The following NHSL1 variants were observed in gnomAD, a reference collection of about 807,000 sequenced individuals.
The protein encoded by NHSL1 is NHS like 1, also known as NHS-like protein 1.
In NHSL1, 48 loss-of-function variants were observed where a neutral mutation model predicts 95.0. That is an observed-to-expected ratio of 0.51 (90% CI 0.40 to 0.64). The LOEUF is 0.64. Among genes scored for constraint, NHSL1 ranks in the 30% least tolerant of loss-of-function variants. The probability of loss-of-function intolerance (pLI) is 0.00; values close to 1 mark genes in which losing one functional copy is unlikely to be tolerated. For missense variants in NHSL1, 1,971 were observed against 2,077.7 expected (o/e 0.95, Z 1.00); for synonymous variants, 783 against 833.9 (o/e 0.94, Z 1.05).
intron 1 of NHSL1, among the ~76,000 whole-genome samples, chr6:138,679,469 G>C (rs1785486001): frequency 6.6e-6 from 1 of 152,152 alleles, no homozygotes; most frequent in Admixed American, 6.6e-5. Flanking sequence ...CATAAAATAT[G>C]TTTTTTGTTT....
At chr6:138,603,904 C>T (rs544209238) in intron 1 of NHSL1, among the ~76,000 whole-genome samples, 1 of 152,178 alleles carries the variant, frequency 6.6e-6, no homozygotes, top group African/African-American at 2.4e-5. Context: ...AATTTTAAGT[C>T]TTACCTGGAA....
intron 1 of NHSL1, among the ~76,000 whole-genome samples, chr6:138,687,290 A>G (rs1236013668): frequency 5.3e-5 from 8 of 152,094 alleles, no homozygotes; most frequent in Middle Eastern, 3.4e-3. Context: ...AAAAAAAAAA[A>G]AAGAAGAAGA....
chr6:138,562,623 G>T (rs1049440649), intron 1 of NHSL1, among the ~76,000 whole-genome samples: 1 of 152,136 alleles, frequency 6.6e-6, no homozygotes, highest in African/African-American at 2.4e-5. Flanking sequence ...GATCACACCA[G>T]TCCACTCCAG....
intron 1 of NHSL1, chr6:138,571,634 A>C: frequency 7.3e-7 from 1 of 1,361,928 alleles, no homozygotes; most frequent in Non-Finnish European, 1.0e-6. Context: ...AAAATCATGA[A>C]GGGGGAGTGA....
intron 1 of NHSL1, among the ~76,000 whole-genome samples, chr6:138,614,785 G>A (rs376045745): frequency 1.0e-3 from 158 of 152,236 alleles, no homozygotes; most frequent in African/African-American, 3.1e-3. Flanking sequence ...GATCAGCGGC[G>A]GCATCAGATT....
chr6:138,507,519 A>G (rs984181024), intron 1 of NHSL1, among the ~76,000 whole-genome samples: 1 of 152,234 alleles, frequency 6.6e-6, no homozygotes, highest in African/African-American at 2.4e-5. Context: ...AGATAAGTGG[A>G]AAAAATTGAA....
intron 1 of NHSL1, among the ~76,000 whole-genome samples, chr6:138,648,229 T>C (rs1785045042): frequency 6.6e-6 from 1 of 152,146 alleles, no homozygotes; most frequent in African/African-American, 2.4e-5. Context: ...AGGAGTGTTT[T>C]CACTTATCTA....
chr6:138,443,771 A>G (rs956601417), intron 4 of NHSL1, among the ~76,000 whole-genome samples: 1 of 152,240 alleles, frequency 6.6e-6, no homozygotes, highest in Admixed American at 6.5e-5. Flanking sequence ...CGGAGGTTGC[A>G]GTGAGCCGAG....
chr6:138,535,077 C>A (rs556713700), intron 1 of NHSL1, among the ~76,000 whole-genome samples: 1 of 152,000 alleles, frequency 6.6e-6, no homozygotes, highest in Non-Finnish European at 1.5e-5. Context: ...GGCACGATAT[C>A]GCTGGTCTTA....
chr6:138,631,588 C>A (rs1485587038), intron 1 of NHSL1, among the ~76,000 whole-genome samples: 2 of 152,112 alleles, frequency 1.3e-5, no homozygotes, highest in African/African-American at 4.8e-5. Flanking sequence ...AGCTCCAAGA[C>A]AACATTTCTA....
At chr6:138,490,505 A>G (rs1780008523) in intron 2 of NHSL1, among the ~76,000 whole-genome samples, 1 of 152,208 alleles carries the variant, frequency 6.6e-6, no homozygotes, top group South Asian at 2.1e-4. Context: ...GTCTACACCA[A>G]AAGGGAGCTA....
chr6:138,527,421 T>G (rs1357657810), intron 1 of NHSL1, among the ~76,000 whole-genome samples: 1 of 152,178 alleles, frequency 6.6e-6, no homozygotes, highest in African/African-American at 2.4e-5. Flanking sequence ...TTTTTTAATC[T>G]GAAGTGACAA....
chr6:138,443,020 TACATATATATATAC>T lies in NHSL1; in HGVS notation c.533-920_533-907del, dbSNP rs549403394. On this transcript the variant is annotated intron_variant, in intron 4 of 7. Transcript: ENST00000343505. ...CTCCTCAAAAAGTTATTTTCAAATA[TACATATATATATAC>T]ACATATATATACATATATACACACA... Among the ~76,000 whole-genome samples the T allele has an allele frequency of 2.8e-4, 42 of 151,700 alleles. No individual in the cohort carries two copies. In the East Asian group the frequency reaches 7.9e-3, roughly 29 times the overall value.
intron 1 of NHSL1, among the ~76,000 whole-genome samples, chr6:138,627,281 T>A (rs551387120): frequency 2.6e-5 from 4 of 152,354 alleles, no homozygotes; most frequent in Admixed American, 2.6e-4. Flanking sequence ...TTTTGGTCTA[T>A]GTTTTAAGGA....
At chr6:138,640,562 A>T (rs971332344) in intron 1 of NHSL1, among the ~76,000 whole-genome samples, 1 of 152,196 alleles carries the variant, frequency 6.6e-6, no homozygotes, top group South Asian at 2.1e-4. Flanking sequence ...ATGAATAGTA[A>T]ATATATTTTC....
intron 5 of NHSL1, chr6:138,435,134 A>G (rs1306736747): frequency 6.5e-6 from 1 of 154,686 alleles, no homozygotes; most frequent in Non-Finnish European, 1.5e-5. Context: ...CAGAAGAAAA[A>G]CCCACTTTGA....
intron 1 of NHSL1, among the ~76,000 whole-genome samples, chr6:138,564,545 A>G (rs1783534044): frequency 6.6e-6 from 1 of 152,022 alleles, no homozygotes; most frequent in Non-Finnish European, 1.5e-5. Flanking sequence ...TTCAGAAAGT[A>G]TTTGCTTAGC....
chr6:138,599,053 C>T (rs4521606), intron 1 of NHSL1, among the ~76,000 whole-genome samples: 3,453 of 152,238 alleles, frequency 0.023, 115 homozygotes, highest in African/African-American at 0.075. Context: ...TCCAAGTCAT[C>T]TAGCTGTAAA....
chr6:138,592,141 C>T (rs925443536), intron 1 of NHSL1, among the ~76,000 whole-genome samples: 1 of 152,110 alleles, frequency 6.6e-6, no homozygotes, highest in Non-Finnish European at 1.5e-5. Context: ...TTTCCTGCTC[C>T]CCAAAACACA....
Sources: gnomAD v4.1 joint callset for allele counts (sites outside exome capture counted in the v4.1 genomes callset) on GRCh38, gnomAD v4.1.1 for gene constraint, MANE v1.5 for transcripts, NCBI Gene and HGNC (gene_info 2026-07-23, HGNC 2026-07-21) for gene names.